Variants in TTC3 observed in about 807,000 individuals in gnomAD.
The protein encoded by TTC3 is E3 ubiquitin-protein ligase TTC3.
Under a neutral mutation model 249.6 loss-of-function variants are expected in TTC3, and 180 were observed. That is an observed-to-expected ratio of 0.72 (90% CI 0.64 to 0.82). The LOEUF (loss-of-function observed/expected upper bound fraction) is 0.82, where lower values mean the gene tolerates loss of function less well. TTC3 is among the 40% of genes least tolerant of loss of function. The pLI, the probability that TTC3 is intolerant of heterozygous loss-of-function variation, is 0.00. For synonymous variants in TTC3, 717 were observed against 805.0 expected (o/e 0.89, Z 1.85); for missense variants, 2,061 against 2,398.4 (o/e 0.86, Z 2.94).
rs2080819130 is a variant in TTC3 at position 37,162,141 on chromosome 21, ATAAAC to A, written c.3170+80_3170+84del. 7.4e-5 allele frequency: 66 copies of A among 891,082 alleles called. 1 individual carries two copies. In the South Asian group the frequency reaches 1.4e-3, roughly 19 times the overall value. 55.2% of individuals were successfully genotyped at this position (891,082 alleles called of 1,614,324 possible). A position where few individuals can be genotyped will look rare whatever the true frequency, so the allele number is the denominator to read the frequency against. On this transcript the variant is annotated intron_variant, in intron 31 of 45. Transcript: ENST00000355666. Reference sequence around the variant, plus strand: ...AATAAGTTGTGTTAATTTAATATATATAAACTTGTGTTTTATTTCCCTAACTTTCC... The same window carrying A: ...AATAAGTTGTGTTAATTTAATATATATTGTGTTTTATTTCCCTAACTTTCC...
intron 30 of TTC3, among the ~76,000 whole-genome samples, chr21:37,161,726 T>G (rs1183385951): frequency 6.6e-6 from 1 of 152,240 alleles, no homozygotes; most frequent in Non-Finnish European, 1.5e-5. Flanking sequence ...TGTATTTAGT[T>G]TAGATAAAAT....
intron 36 of TTC3, among the ~76,000 whole-genome samples, chr21:37,184,137 CACTT>C (rs900344158): frequency 2.0e-5 from 3 of 152,176 alleles, no homozygotes; most frequent in Admixed American, 1.3e-4. Context: ...TAGTAGAACA[CACTT>C]ACGGAAACAA....
chr21:37,143,469 G>A (rs1200019050), intron 20 of TTC3, among the ~76,000 whole-genome samples: 1 of 152,076 alleles, frequency 6.6e-6, no homozygotes, highest in Admixed American at 6.5e-5. Flanking sequence ...AGACATTTAT[G>A]CAGCCAACAG....
chr21:37,153,776 C>G (rs1348836146), intron 27 of TTC3, among the ~76,000 whole-genome samples: 1 of 152,138 alleles, frequency 6.6e-6, no homozygotes, highest in Non-Finnish European at 1.5e-5. Flanking sequence ...TGCTCAGGAG[C>G]TGTGTTGAGA....
Position 37,126,055 on chromosome 21 carries a change from TAAGTCTCAC to T in TTC3, c.1234-24_1234-16del. The T allele has an allele frequency of 6.4e-7, 1 of 1,573,786 alleles. No individual in the cohort carries two copies. The highest frequency in any genetic ancestry group is 1.2e-5 in the South Asian group (1 of 84,846). ...ATGGCTGGGTTGTTTTTTTTTTTTT[TAAGTCTCAC>T]TAATTTCATTGGCAGGTGGCGGATG... On this transcript the variant is annotated splice_polypyrimidine_tract_variant and intron_variant, in intron 14 of 45. Coordinates refer to ENST00000355666, the Ensembl canonical transcript of TTC3.
chr21:37,160,656 G>T (rs1226229432), intron 29 of TTC3, 146 bp from the exon 30 acceptor site: 1 of 747,826 alleles, frequency 1.3e-6, no homozygotes, highest in African/African-American at 1.8e-5. Flanking sequence ...TAGCACTTGG[G>T]CTGATACACT....
In TTC3 at chr21:37,185,715, GA is replaced by G; in HGVS notation, c.4772del (p.Asn1591MetfsTer27). 7 of 1,547,762 alleles carry G rather than the reference GA, an allele frequency of 4.5e-6. No homozygotes were observed. The highest frequency in any genetic ancestry group is 2.0e-5 in the Admixed American group (1 of 49,472). ...GATTATGCTTTTATAGGTATACCCA[GA>G]AAAATGATGGAAAGGAAAAGGAACA... On this transcript the variant is annotated frameshift_variant, in exon 37 of 46. Transcript: ENST00000355666. LOFTEE classifies it high-confidence loss of function.
chr21:37,084,845 T>C (rs2072210118), intron 1 of TTC3, among the ~76,000 whole-genome samples: 2 of 152,034 alleles, frequency 1.3e-5, no homozygotes, highest in Admixed American at 6.6e-5. Context: ...ATACAAAAAT[T>C]AGCTGGGCGT....
chr21:37,104,334 A>C (rs1256498122), intron 10 of TTC3, among the ~76,000 whole-genome samples: 2 of 152,126 alleles, frequency 1.3e-5, no homozygotes, highest in Non-Finnish European at 2.9e-5. Flanking sequence ...TCACGCCTGT[A>C]ATCCCAGCAC....
intron 41 of TTC3, chr21:37,193,723 A>G (rs1292351019): frequency 6.6e-6 from 1 of 152,192 alleles, no homozygotes; most frequent in Non-Finnish European, 1.5e-5. Flanking sequence ...TCATTCGGTA[A>G]TTAGTGGTGA....
At chr21:37,160,144 A>G (rs982565060) in intron 29 of TTC3, among the ~76,000 whole-genome samples, 2 of 151,858 alleles carry the variant, frequency 1.3e-5, no homozygotes, top group Non-Finnish European at 2.9e-5. Context: ...CGTTTAAGTT[A>G]AAACAGTTCC....
intron 1 of TTC3, among the ~76,000 whole-genome samples, chr21:37,077,807 G>A (rs1291303613): frequency 6.6e-6 from 1 of 152,106 alleles, no homozygotes; most frequent in Non-Finnish European, 1.5e-5. Flanking sequence ...CATCGATTAT[G>A]TGCGTTGTAA....
intron 42 of TTC3, among the ~76,000 whole-genome samples, chr21:37,197,324 G>A (rs2085025315): frequency 6.6e-6 from 1 of 151,674 alleles, no homozygotes; most frequent in South Asian, 2.1e-4. Context: ...AGAGGCAGAG[G>A]TTGCAGTGAG....
chr21:37,098,375 A>G (rs1262395480), intron 10 of TTC3: 1 of 158,148 alleles, frequency 6.3e-6, no homozygotes, highest in East Asian at 1.9e-4. Flanking sequence ...CTCTTTCATG[A>G]GTGTTGAATG....
At chr21:37,122,953 ATG>A (rs58158234) in intron 12 of TTC3, 28 bp from the exon 13 acceptor site, 1,214 of 1,185,676 alleles carry the variant, frequency 1.0e-3, no homozygotes, top group Non-Finnish European at 1.2e-3. Flanking sequence ...ATTGATTACT[ATG>A]TGTGTGTGTG....
chr21:37,122,419 A>AAT (rs980094706), intron 12 of TTC3, among the ~76,000 whole-genome samples: 2,476 of 37,904 alleles, frequency 0.065, 105 homozygotes, highest in African/African-American at 0.14. Flanking sequence ...ATATATATAT[A>AAT]ATATATATAT....
intron 17 of TTC3, among the ~76,000 whole-genome samples, chr21:37,133,281 C>T (rs2835620): frequency 0.53 from 81,011 of 152,002 alleles, 22,209 homozygotes; most frequent in African/African-American, 0.64. Flanking sequence ...ATTCTTTTTA[C>T]GTTACTTCAT....
intron 31 of TTC3, 74 bp downstream of exon 31, chr21:37,162,137 A>G (rs1237826371): frequency 1.9e-5 from 18 of 942,492 alleles, no homozygotes; most frequent in South Asian, 3.8e-5. Flanking sequence ...TTAATTTAAT[A>G]TATATAAACT....
At chr21:37,074,513 G>T (rs1252928701) in intron 1 of TTC3, among the ~76,000 whole-genome samples, 1 of 152,104 alleles carries the variant, frequency 6.6e-6, no homozygotes, top group Non-Finnish European at 1.5e-5. Flanking sequence ...ATATTTAATG[G>T]TTTATAGAGT....
Sources: gnomAD v4.1 joint callset for allele counts (sites outside exome capture counted in the v4.1 genomes callset) on GRCh38, gnomAD v4.1.1 for gene constraint, MANE v1.5 for transcripts, NCBI Gene and HGNC (gene_info 2026-07-23, HGNC 2026-07-21) for gene names.